Variants in PPP1R13B observed in about 807,000 individuals in gnomAD.
PPP1R13B encodes apoptosis-stimulating of p53 protein 1.
A neutral mutation model predicts 119.8 loss-of-function variants in PPP1R13B; 44 were observed. The observed-to-expected ratio is 0.37, with a 90% CI of 0.29 to 0.47. The LOEUF is 0.47. Among genes scored for constraint, PPP1R13B ranks in the 20% least tolerant of loss-of-function variants. The probability of loss-of-function intolerance (pLI) is 0.99; values close to 1 mark genes in which losing one functional copy is unlikely to be tolerated. For missense variants in PPP1R13B, 1,227 were observed against 1,413.5 expected (o/e 0.87, Z 2.12); for synonymous variants, 542 against 561.5 (o/e 0.97, Z 0.49).
intron 4 of PPP1R13B, among the ~76,000 whole-genome samples, chr14:103,766,668 C>T (rs968579964): frequency 5.3e-5 from 8 of 152,132 alleles, no homozygotes; most frequent in African/African-American, 7.2e-5. Flanking sequence ...AGTGCAGTGG[C>T]GCTATCTCAG....
Position 103,847,329 on chromosome 14 carries a change from C to T in PPP1R13B, c.-22G>A. On this transcript the variant is annotated 5_prime_UTR_variant, in exon 1 of 17. Transcript: ENST00000202556. Reference sequence around the variant, plus strand: ...TCATCGCGGGGAGAGTCCGCGACGCCCTCGGCCGCCGCCTGACAGGACGCT... The same window carrying T: ...TCATCGCGGGGAGAGTCCGCGACGCTCTCGGCCGCCGCCTGACAGGACGCT... 8.1e-7 allele frequency: 1 copy of T among 1,241,408 alleles called. No homozygotes were observed. The highest frequency in any genetic ancestry group is 1.0e-6 in the Non-Finnish European group (1 of 972,536). The allele number at this position is 1,241,408 out of a possible 1,614,324, so 76.9% of individuals were successfully genotyped here.
At chr14:103,776,384 T>C (rs1375355594) in intron 4 of PPP1R13B, among the ~76,000 whole-genome samples, 1 of 152,142 alleles carries the variant, frequency 6.6e-6, no homozygotes, top group Non-Finnish European at 1.5e-5. Flanking sequence ...AATTCAATAA[T>C]AAGTTGGGAA....
intron 2 of PPP1R13B, among the ~76,000 whole-genome samples, chr14:103,792,825 C>G (rs2085655532): frequency 6.6e-6 from 1 of 151,970 alleles, no homozygotes; most frequent in Non-Finnish European, 1.5e-5. Flanking sequence ...AATCCCAGCA[C>G]TTTGGGAGGC....
intron 4 of PPP1R13B, among the ~76,000 whole-genome samples, chr14:103,772,487 C>G (rs943528581): frequency 1.3e-5 from 2 of 152,204 alleles, no homozygotes; most frequent in East Asian, 3.8e-4. Flanking sequence ...CCTTTCCTCA[C>G]CAACACTTGT....
At chr14:103,787,510 T>C (rs1217710820) in intron 2 of PPP1R13B, among the ~76,000 whole-genome samples, 2 of 149,614 alleles carry the variant, frequency 1.3e-5, no homozygotes, top group African/African-American at 5.0e-5. Context: ...ACTGAAAAGC[T>C]GGCATATAAA....
intron 11 of PPP1R13B, among the ~76,000 whole-genome samples, chr14:103,741,568 C>CA (rs1223512714): frequency 6.6e-6 from 1 of 152,222 alleles, no homozygotes; most frequent in Non-Finnish European, 1.5e-5. Flanking sequence ...GCTGCTCAGA[C>CA]AGGAAGTCAG....
chr14:103,766,806 C>T (rs1289839892), intron 4 of PPP1R13B, among the ~76,000 whole-genome samples: 4 of 152,116 alleles, frequency 2.6e-5, no homozygotes, highest in Non-Finnish European at 5.9e-5. Flanking sequence ...TGGGTTTCAC[C>T]ATGTTGGCCA....
chr14:103,787,427 A>T (rs2085495344), intron 2 of PPP1R13B, among the ~76,000 whole-genome samples: 1 of 151,832 alleles, frequency 6.6e-6, no homozygotes, highest in Non-Finnish European at 1.5e-5. Context: ...CATGCACTCC[A>T]GCCTGGGTGA....
At chr14:103,835,446 A>T (rs1275498615) in intron 1 of PPP1R13B, among the ~76,000 whole-genome samples, 15 of 131,590 alleles carry the variant, frequency 1.1e-4, no homozygotes, top group Middle Eastern at 4.0e-3. Flanking sequence ...TTTTTTTTTT[A>T]AAGAGACCAG....
chr14:103,740,699 C>T lies in PPP1R13B; in HGVS notation c.1823-106G>A. On this transcript the variant is annotated intron_variant, in intron 11 of 16. Transcript: ENST00000202556. The surrounding 1 kb of genome is among the most constrained non-coding windows in gnomAD (Gnocchi z 4.6). Reference sequence around the variant, plus strand: ...AGGCTCCTGCAAAGACACACATATACATCTGCTGCTGTTATTCAATTCTCA... The same window carrying T: ...AGGCTCCTGCAAAGACACACATATATATCTGCTGCTGTTATTCAATTCTCA... The T allele has an allele frequency of 1.1e-6, 1 of 934,432 alleles. No individual in the cohort carries two copies. The allele number at this position is 934,432 out of a possible 1,614,324, so 57.9% of individuals were successfully genotyped here. A position where few individuals can be genotyped will look rare whatever the true frequency, so the allele number is the denominator to read the frequency against.
At chr14:103,739,071 T>A (rs760338263) in intron 12 of PPP1R13B, 48 bp from the exon 13 acceptor site, 28 of 1,578,534 alleles carry the variant, frequency 1.8e-5, no homozygotes, top group Non-Finnish European at 2.3e-5. Flanking sequence ...TCCACTGAAG[T>A]CTAAGAACCC....
intron 1 of PPP1R13B, among the ~76,000 whole-genome samples, chr14:103,835,887 C>T (rs1033515121): frequency 7.9e-5 from 12 of 151,842 alleles, no homozygotes; most frequent in Non-Finnish European, 1.2e-4. Flanking sequence ...GGATTACAGG[C>T]GTGAGCCACT....
chr14:103,772,246 C>A (rs552217572), intron 4 of PPP1R13B, among the ~76,000 whole-genome samples: 2 of 152,164 alleles, frequency 1.3e-5, no homozygotes, highest in African/African-American at 4.8e-5. Context: ...TATCTGTTAA[C>A]GAACATTTGG....
intron 1 of PPP1R13B, among the ~76,000 whole-genome samples, chr14:103,843,886 GA>G (rs2086965341): frequency 6.6e-6 from 1 of 151,526 alleles, no homozygotes; most frequent in Non-Finnish European, 1.5e-5. Flanking sequence ...CCAGGAGGCA[GA>G]GGTTGCAGTG....
chr14:103,753,836 C>T (rs375671277), intron 6 of PPP1R13B, among the ~76,000 whole-genome samples: 2 of 152,114 alleles, frequency 1.3e-5, no homozygotes, highest in African/African-American at 4.8e-5. Context: ...GCCTTGACCT[C>T]CCAGGCTCAA....
intron 7 of PPP1R13B, among the ~76,000 whole-genome samples, chr14:103,750,499 G>A (rs1445476215): frequency 6.6e-6 from 1 of 152,180 alleles, no homozygotes; most frequent in East Asian, 1.9e-4. Flanking sequence ...ACACACTTCC[G>A]TGTGTATACT....
At position 103,754,264 on chromosome 14, in the gene PPP1R13B, T is replaced by C; in HGVS notation, c.457-20A>G. On this transcript the variant is annotated intron_variant, in intron 5 of 16. Coordinates refer to ENST00000202556, the MANE Select transcript of PPP1R13B (RefSeq NM_015316.3). ...CTGTTCCTAACAAAAGAAAGAAAAA[T>C]GTAACTTTGAAAATTGAAGGCTGGG... 6.3e-7 allele frequency: 1 copy of C among 1,596,668 alleles called. No homozygotes were observed. The highest frequency in any genetic ancestry group is 8.5e-7 in the Non-Finnish European group (1 of 1,172,448).
At position 103,792,265 on chromosome 14, in the gene PPP1R13B, A is replaced by G. The variant is rs567112661; in HGVS notation, c.157+5106T>C. Among the ~76,000 whole-genome samples the G allele has an allele frequency of 2.6e-5, 4 of 151,728 alleles. No individual in the cohort carries two copies. In the East Asian group the frequency reaches 7.8e-4, roughly 29 times the overall value. On this transcript the variant is annotated intron_variant, in intron 2 of 16. Transcript: ENST00000202556. Reference sequence around the variant, plus strand: ...CACCCAGGCTGGAGCACTGAAGTGCAGTGGTGTGATCAAGCGATCGTCCCA... The same window carrying G: ...CACCCAGGCTGGAGCACTGAAGTGCGGTGGTGTGATCAAGCGATCGTCCCA...
In PPP1R13B at chr14:103,734,883, G is replaced by A. The variant is rs1266828304; in HGVS notation, c.*271C>T. 3.5e-6 allele frequency: 2 copies of A among 569,236 alleles called. No individual in the cohort carries two copies. The highest frequency in any genetic ancestry group is 1.9e-5 in the African/African-American group (1 of 53,832). The allele number at this position is 569,236 out of a possible 1,614,324, so 35.3% of individuals were successfully genotyped here. A position where few individuals can be genotyped will look rare whatever the true frequency, so the allele number is the denominator to read the frequency against. ...GTTATGGGACTTCTTAATGGCAAGA[G>A]GGGTGGGTGTTTTGAAAGTGGGTAT... On this transcript the variant is annotated 3_prime_UTR_variant, in exon 17 of 17. Transcript: ENST00000202556.
Sources: gnomAD v4.1 joint callset for allele counts (sites outside exome capture counted in the v4.1 genomes callset) on GRCh38, gnomAD v4.1.1 for gene constraint, Gnocchi (gnomAD v3.1) non-coding constraint, MANE v1.5 for transcripts, NCBI Gene and HGNC (gene_info 2026-07-23, HGNC 2026-07-21) for gene names.